The following SLC5A4 variants were observed in gnomAD, a reference collection of about 807,000 sequenced individuals.
The protein encoded by SLC5A4 is probable glucose sensor protein SLC5A4.
A neutral mutation model predicts 70.3 loss-of-function variants in SLC5A4; 55 were observed. The observed-to-expected ratio is 0.78, with a 90% CI of 0.63 to 0.98. SLC5A4 has a LOEUF of 0.98. Ranked by LOEUF, SLC5A4 falls within the 50% of genes least tolerant of loss-of-function variation. The probability of loss-of-function intolerance (pLI) is 0.00; values close to 1 mark genes in which losing one functional copy is unlikely to be tolerated. For missense variants in SLC5A4, 735 were observed against 839.2 expected, an observed-to-expected ratio of 0.88 and a Z score of 1.53; for synonymous variants, 268 against 305.7, an observed-to-expected ratio of 0.88 and a Z score of 1.29.
the SLC5A4 span, among the ~76,000 whole-genome samples, chr22:32,306,444 C>T: frequency 5.6e-5 from 8 of 143,804 alleles, no homozygotes; most frequent in East Asian, 4.2e-4. Context: ...CCAGCCTGGG[C>T]GACAGAGCAA....
intron 13 of SLC5A4, among the ~76,000 whole-genome samples, chr22:32,221,736 GT>G (rs529067362): frequency 3.7e-3 from 549 of 148,772 alleles, no homozygotes; most frequent in African/African-American, 0.013. Flanking sequence ...AAGTATCAAT[GT>G]TTTTTTTTTG....
At chr22:32,317,413 G>C in the SLC5A4 span, among the ~76,000 whole-genome samples, 1 of 152,114 alleles carries the variant, frequency 6.6e-6, no homozygotes, top group African/African-American at 2.4e-5. Flanking sequence ...GGAGTTAACA[G>C]CAGAAGAAAG....
At chr22:32,331,572 T>C in the SLC5A4 span, among the ~76,000 whole-genome samples, 2 of 152,110 alleles carry the variant, frequency 1.3e-5, no homozygotes, top group African/African-American at 2.4e-5. Flanking sequence ...AACCCAGCTA[T>C]AGTAAAAGGC....
At chr22:32,349,502 A>G in the SLC5A4 span, among the ~76,000 whole-genome samples, 2 of 152,346 alleles carry the variant, frequency 1.3e-5, 1 homozygote, top group African/African-American at 4.8e-5. Context: ...AAGTCAAAGA[A>G]GTGGTCTATG....
At chr22:32,310,621 C>G in the SLC5A4 span, among the ~76,000 whole-genome samples, 1 of 152,214 alleles carries the variant, frequency 6.6e-6, no homozygotes, top group Admixed American at 6.5e-5. Context: ...AGCCATATGC[C>G]TGGACACTGG....
At chr22:32,265,320 C>T in the SLC5A4 span, among the ~76,000 whole-genome samples, 1 of 151,994 alleles carries the variant, frequency 6.6e-6, no homozygotes, top group Admixed American at 6.5e-5. Context: ...CCCAGGAGTT[C>T]GAGGCTACAG....
the SLC5A4 span, chr22:32,272,842 C>T: frequency 1.9e-6 from 1 of 513,104 alleles, no homozygotes; most frequent in Non-Finnish European, 3.8e-6. Context: ...GCTGCTGCTG[C>T]CCATGCAGGA....
chr22:32,341,443 C>T, the SLC5A4 span, among the ~76,000 whole-genome samples: 8 of 152,144 alleles, frequency 5.3e-5, no homozygotes, highest in South Asian at 1.2e-3. Context: ...CCCTCTCTGC[C>T]GGGATGACCT....
chr22:32,271,152 G>C, the SLC5A4 span: 2 of 672,438 alleles, frequency 3.0e-6, no homozygotes, highest in African/African-American at 3.5e-5. Flanking sequence ...CCATCCACTG[G>C]TGCCTGCTGT....
chr22:32,264,187 T>TA, the SLC5A4 span, among the ~76,000 whole-genome samples: 31 of 146,334 alleles, frequency 2.1e-4, no homozygotes, highest in South Asian at 4.4e-4. Context: ...TAAAGTATAA[T>TA]AAAAAAAAAA....
the SLC5A4 span, among the ~76,000 whole-genome samples, chr22:32,304,850 G>GT: frequency 0.48 from 72,189 of 150,976 alleles, 17,348 homozygotes; most frequent in Admixed American, 0.51. Flanking sequence ...GAGTTCTACA[G>GT]TTTTTTTTTC....
the SLC5A4 span, among the ~76,000 whole-genome samples, chr22:32,282,470 G>T: frequency 6.6e-6 from 1 of 152,010 alleles, no homozygotes; most frequent in African/African-American, 2.4e-5. Flanking sequence ...TCTTTTTTGT[G>T]AACTTGACCT....
intron 14 of SLC5A4, among the ~76,000 whole-genome samples, 192 bp downstream of exon 14, chr22:32,220,728 A>G (rs534202779): frequency 4.6e-5 from 7 of 152,216 alleles, no homozygotes; most frequent in Non-Finnish European, 1.0e-4. Flanking sequence ...CAAACCAACC[A>G]ATGGACAGGC....
Position 32,225,787 on chromosome 22 carries a change from C to A in SLC5A4, c.1317G>T (p.Val439=). 6.2e-7 allele frequency: 1 copy of A among 1,611,544 alleles called. No homozygotes were observed. The change falls in exon 12 of 15, where the codon GTG becomes GTT. Residue 439 remains valine, a synonymous_variant. Coordinates refer to ENST00000266086, the MANE Select transcript of SLC5A4 (RefSeq NM_014227.3). The part of the protein sequence containing the change: ...FVLLLTVVSI[V]WVPLVQVSQN... ...GAGAAACTTGTACCAGTGGGACCCA[C>A]ACAATGCTCACAACAGTTAATAGAA...
chr22:32,330,860 G>T, the SLC5A4 span, among the ~76,000 whole-genome samples: 100,015 of 100,258 alleles, frequency 1, 49,897 homozygotes, highest in Admixed American at 1. Flanking sequence ...CTGGTGTGTA[G>T]GTGTTGGAGG....
upstream of SLC5A4, among the ~76,000 whole-genome samples, chr22:32,255,908 A>G (rs570962854): frequency 2.0e-5 from 3 of 152,316 alleles, no homozygotes; most frequent in South Asian, 2.1e-4. Flanking sequence ...AGTTGAGGGC[A>G]GAGCTGTGGA....
At position 32,242,572 on chromosome 22, in the gene SLC5A4, G is replaced by T. The variant is rs149493997; in HGVS notation, c.478-3482C>A. On this transcript the variant is annotated intron_variant, in intron 5 of 14. Coordinates refer to ENST00000266086, the MANE Select transcript of SLC5A4 (RefSeq NM_014227.3). ...AAAATACAAAAAATTAGCCAGGTAT[G>T]GTGGCGCGTGCCTGTAGTCCCAGCT... is the stretch of plus-strand genomic sequence containing the variant. 7.1e-3 allele frequency among the ~76,000 whole-genome samples: 1,086 copies of T among 152,236 alleles called. 17 individuals are homozygous for T. Among genetic ancestry groups the T allele is most frequent in the African/African-American group, 0.025 (1,034 of 41,528 alleles).
At chr22:32,329,223 A>AC in the SLC5A4 span, among the ~76,000 whole-genome samples, 4 of 151,718 alleles carry the variant, frequency 2.6e-5, no homozygotes, top group East Asian at 5.8e-4. Flanking sequence ...GGCAGAGAGG[A>AC]CCCCAGGATG....
At chr22:32,333,637 C>G in the SLC5A4 span, among the ~76,000 whole-genome samples, 1 of 152,060 alleles carries the variant, frequency 6.6e-6, no homozygotes, top group Non-Finnish European at 1.5e-5. Context: ...TCTGACCTGA[C>G]CAGCTTCCAT....
Sources: gnomAD v4.1 joint callset for allele counts (sites outside exome capture counted in the v4.1 genomes callset) on GRCh38, gnomAD v4.1.1 for gene constraint, MANE v1.5 for transcripts, NCBI Gene and HGNC (gene_info 2026-07-23, HGNC 2026-07-21) for gene names.